The following PALD1 variants were observed in gnomAD, a reference collection of about 807,000 sequenced individuals.
The protein encoded by PALD1 is phosphatase domain containing paladin 1.
PALD1 carries 57 observed loss-of-function variants against 96.0 expected under a neutral mutation model. That is an observed-to-expected ratio of 0.59 (90% CI 0.48 to 0.74). PALD1 has a LOEUF of 0.74. Ranked by LOEUF, PALD1 falls within the 30% of genes least tolerant of loss-of-function variation. The pLI is 0.00. For synonymous variants in PALD1, 464 were observed against 473.6 expected (o/e 0.98, Z 0.26); for missense variants, 1,063 against 1,143.7 (o/e 0.93, Z 1.02).
intron 1 of PALD1, among the ~76,000 whole-genome samples, chr10:70,498,739 T>C (rs1176813180): frequency 1.3e-5 from 2 of 152,084 alleles, no homozygotes; most frequent in Non-Finnish European, 2.9e-5. Flanking sequence ...CCAGCCTGGC[T>C]AACATGGTAA....
intron 7 of PALD1, among the ~76,000 whole-genome samples, chr10:70,533,619 C>T (rs1234824731): frequency 6.6e-6 from 1 of 152,232 alleles, no homozygotes; most frequent in Non-Finnish European, 1.5e-5. Context: ...CGGAGTTTCT[C>T]TCCAGCCCCC....
chr10:70,495,644 G>T (rs1476473877), intron 1 of PALD1, among the ~76,000 whole-genome samples: 1 of 152,052 alleles, frequency 6.6e-6, no homozygotes, highest in East Asian at 1.9e-4. Flanking sequence ...GGGATGGGAA[G>T]GGCATAAGCG....
At chr10:70,489,616 T>C (rs367937398) in intron 1 of PALD1, among the ~76,000 whole-genome samples, 10 of 152,296 alleles carry the variant, frequency 6.6e-5, no homozygotes, top group African/African-American at 2.4e-4. Flanking sequence ...TCTCCCTTTC[T>C]GCAGCTCAGT....
At chr10:70,482,343 T>C (rs550222855) in intron 1 of PALD1, among the ~76,000 whole-genome samples, 1 of 152,272 alleles carries the variant, frequency 6.6e-6, no homozygotes, top group Admixed American at 6.5e-5. Context: ...CTAAGAATAG[T>C]CCCAAATCAT....
intron 1 of PALD1, among the ~76,000 whole-genome samples, chr10:70,522,531 T>C (rs923431105): frequency 6.6e-6 from 1 of 152,156 alleles, no homozygotes; most frequent in African/African-American, 2.4e-5. Context: ...CCCACTGCAA[T>C]GTGGCGTGAA....
At chr10:70,470,523 ATTAT>A in the PALD1 span, among the ~76,000 whole-genome samples, 1 of 140,296 alleles carries the variant, frequency 7.1e-6, no homozygotes, top group Non-Finnish European at 1.5e-5. Context: ...AGTGTGATTT[ATTAT>A]TTTTTATTAT....
At chr10:70,496,011 A>AAACAACAACAACAAC (rs138584752) in intron 1 of PALD1, among the ~76,000 whole-genome samples, 172 of 151,044 alleles carry the variant, frequency 1.1e-3, no homozygotes, top group African/African-American at 3.9e-3. Flanking sequence ...ACTCTATCTC[A>AAACAACAACAACAAC]AACAACAACA....
In PALD1 at chr10:70,564,421, T is replaced by C. The variant is rs1179005853; in HGVS notation, c.2320T>C (p.Tyr774His). The C allele has an allele frequency of 1.2e-6, 2 of 1,614,054 alleles. No individual in the cohort carries two copies. Among genetic ancestry groups the C allele is most frequent in the Non-Finnish European group, 1.7e-6 (2 of 1,179,902 alleles). The change falls in exon 19 of 20, where the codon TAC becomes CAC. Residue 774 changes from tyrosine (Y) to histidine (H), a missense_variant. By Grantham distance (83) the Tyr-to-His change is moderately conservative. Coordinates refer to ENST00000263563, the MANE Select transcript of PALD1 (RefSeq NM_014431.3). ...GAGGCTGCAGCTGCGGAGCCTGCAG[T>C]ACTTGGAGCGCTATGTCTGCCTGAT... ...MRRLQLRSLQ[Y>H]LERYVCLILF...
chr10:70,531,564 G>C, intron 5 of PALD1, 110 bp downstream of exon 5: 1 of 1,072,014 alleles, frequency 9.3e-7, no homozygotes, highest in Non-Finnish European at 1.3e-6. Context: ...CCCCACTGTT[G>C]TGCCCTGCTT....
chr10:70,519,924 C>T (rs541109569), intron 1 of PALD1, among the ~76,000 whole-genome samples: 1 of 152,152 alleles, frequency 6.6e-6, no homozygotes, highest in South Asian at 2.1e-4. Flanking sequence ...ACATTCAGAC[C>T]ACAACAGCTA....
chr10:70,550,467 A>G (rs1364180390), intron 18 of PALD1, among the ~76,000 whole-genome samples: 1 of 152,200 alleles, frequency 6.6e-6, no homozygotes, highest in Non-Finnish European at 1.5e-5. Context: ...TAGGGGATGT[A>G]TACAATTCAC....
At position 70,539,275 on chromosome 10, in the gene PALD1, C is replaced by G. The variant is rs770807268; in HGVS notation, c.1725+28C>G. 4.4e-6 allele frequency: 7 copies of G among 1,586,214 alleles called. No homozygotes were observed. The Admixed American group carries it at 7.0e-5, about 16-fold the overall frequency. ...GAGGCCCCCTGCCCTCTAGGCACCC[C>G]TGCCTCCGAGGCTTCTGGGGAGTGG... is the stretch of plus-strand genomic sequence containing the variant. On this transcript the variant is annotated intron_variant, in intron 14 of 19. Coordinates refer to ENST00000263563, the MANE Select transcript of PALD1 (RefSeq NM_014431.3). This position sits in a 1 kb window ranked among gnomAD's most constrained non-coding sequence, Gnocchi z 4.5.
At position 70,539,767 on chromosome 10, in the gene PALD1, G is replaced by A. The variant is rs1262158997; in HGVS notation, c.1908+5G>A. On this transcript the variant is annotated splice_donor_5th_base_variant and intron_variant, in intron 15 of 19. Coordinates refer to ENST00000263563, the MANE Select transcript of PALD1 (RefSeq NM_014431.3). This position sits in a 1 kb window ranked among gnomAD's most constrained non-coding sequence, Gnocchi z 4.5. ...TTCTGTGCCCCCCGAGAGGAGGTGA[G>A]GGTGCTGCTCAGGCTGAGGCCTCTG... 2 of 1,607,874 alleles carry A rather than the reference G, an allele frequency of 1.2e-6. No homozygotes were observed. Among genetic ancestry groups the A allele is most frequent in the South Asian group, 2.2e-5 (2 of 90,780 alleles).
In PALD1 at chr10:70,487,130, A is replaced by ATTTTTT. The variant is rs10669002; in HGVS notation, c.-30+8087_-30+8092dup. 2.1e-4 allele frequency among the ~76,000 whole-genome samples: 23 copies of ATTTTTT among 110,394 alleles called. 2 individuals are homozygous for ATTTTTT. The highest frequency in any genetic ancestry group is 3.0e-4 in the Non-Finnish European group (17 of 56,598). 72.4% of individuals were successfully genotyped at this position (110,394 alleles called of 152,430 possible). On this transcript the variant is annotated intron_variant, in intron 1 of 19. Transcript: ENST00000263563. ...GCATTTGACTGTCCCTCTGAGCCCA[A>ATTTTTT]TTTTTTTTTTTTTTTTTTTTTGAGA... is the stretch of plus-strand genomic sequence containing the variant.
the PALD1 span, among the ~76,000 whole-genome samples, chr10:70,459,038 C>G: frequency 7.2e-3 from 1,096 of 152,296 alleles, 12 homozygotes; most frequent in African/African-American, 0.014. Flanking sequence ...GCGGCTCCCC[C>G]ACCTTTATCC....
chr10:70,531,522 G>A (rs979352207), intron 5 of PALD1, 68 bp downstream of exon 5: 12 of 1,463,628 alleles, frequency 8.2e-6, no homozygotes, highest in Admixed American at 3.9e-5. Context: ...TCTTTTTGGG[G>A]CCAGCTCACC....
the PALD1 span, among the ~76,000 whole-genome samples, chr10:70,470,092 C>T: frequency 3.3e-5 from 5 of 152,184 alleles, no homozygotes; most frequent in Non-Finnish European, 7.3e-5. Flanking sequence ...TTATGCCCGG[C>T]CCTGACTCTG....
the PALD1 span, among the ~76,000 whole-genome samples, chr10:70,459,248 T>A: frequency 6.6e-6 from 1 of 152,216 alleles, no homozygotes; most frequent in African/African-American, 2.4e-5. Flanking sequence ...CCTTTTCAGA[T>A]GAGGAACCGG....
chr10:70,522,726 G>A (rs1017598044), intron 1 of PALD1, among the ~76,000 whole-genome samples: 1 of 152,148 alleles, frequency 6.6e-6, no homozygotes, highest in Non-Finnish European at 1.5e-5. Flanking sequence ...TTGAGCACTA[G>A]GCACCCCACC....
Sources: allele counts gnomAD v4.1 joint callset (sites outside exome capture counted in the v4.1 genomes callset), GRCh38; gene constraint gnomAD v4.1.1; non-coding constraint Gnocchi (gnomAD v3.1); transcripts MANE v1.5; gene names NCBI Gene and HGNC (gene_info 2026-07-23, HGNC 2026-07-21).